WDR64: variants seen among roughly 807,000 people sequenced by gnomAD.
The protein encoded by WDR64 is WD repeat-containing protein 64.
A neutral mutation model predicts 139.3 loss-of-function variants in WDR64; 112 were observed. That is an observed-to-expected ratio of 0.80 (90% CI 0.69 to 0.94). The LOEUF (loss-of-function observed/expected upper bound fraction) is 0.94. WDR64 is among the 40% of genes least tolerant of loss of function. The probability of loss-of-function intolerance (pLI) is 0.00; values close to 1 mark genes in which losing one functional copy is unlikely to be tolerated. For missense variants in WDR64, 1,206 were observed against 1,293.1 expected (o/e 0.93, Z 1.03); for synonymous variants, 444 against 437.7 (o/e 1.01, Z -0.18).
chr1:241,706,309 T>G (rs990070857), intron 8 of WDR64, among the ~76,000 whole-genome samples: 33 of 152,350 alleles, frequency 2.2e-4, no homozygotes, highest in African/African-American at 7.9e-4. Flanking sequence ...AGAAGGTAGC[T>G]TCGCTGGAGC....
intron 4 of WDR64, among the ~76,000 whole-genome samples, chr1:241,675,303 C>A (rs1162379747): frequency 7.1e-6 from 1 of 140,000 alleles, no homozygotes; most frequent in Non-Finnish European, 1.5e-5. Context: ...CTCCTCTCTT[C>A]TTCCCTCCTC....
intron 15 of WDR64, among the ~76,000 whole-genome samples, chr1:241,764,867 T>G (rs1282202161): frequency 6.6e-6 from 1 of 151,980 alleles, no homozygotes; most frequent in Non-Finnish European, 1.5e-5. Flanking sequence ...AATGATGAAC[T>G]GAAAAATAGC....
At chr1:241,781,100 T>C (rs1318286843) in intron 22 of WDR64, among the ~76,000 whole-genome samples, 1 of 152,206 alleles carries the variant, frequency 6.6e-6, no homozygotes, top group African/African-American at 2.4e-5. Context: ...TATTATATTG[T>C]ATTATTAATT....
chr1:241,743,047 A>T (rs1669609265), intron 12 of WDR64, among the ~76,000 whole-genome samples: 2 of 152,112 alleles, frequency 1.3e-5, no homozygotes, highest in Non-Finnish European at 2.9e-5. Flanking sequence ...TTTGCTGGAG[A>T]TTTTCTCAAG....
chr1:241,747,776 G>A (rs1473719180), intron 13 of WDR64, among the ~76,000 whole-genome samples: 1 of 152,208 alleles, frequency 6.6e-6, no homozygotes, highest in Admixed American at 6.5e-5. Context: ...GAAAGACACA[G>A]GAAGGAAAGA....
At chr1:241,704,932 C>G (rs1053984233) in intron 8 of WDR64, among the ~76,000 whole-genome samples, 5 of 152,094 alleles carry the variant, frequency 3.3e-5, no homozygotes, top group Admixed American at 6.6e-5. Context: ...ACCAGCAATT[C>G]AAAAATAATT....
intron 4 of WDR64, chr1:241,676,283 A>T (rs182440582): frequency 6.6e-6 from 1 of 152,314 alleles, no homozygotes; most frequent in East Asian, 1.9e-4. Flanking sequence ...CTGGTTCCTC[A>T]TCCCGAATCA....
chr1:241,714,311 A>T (rs149972305), intron 9 of WDR64, among the ~76,000 whole-genome samples: 3 of 152,110 alleles, frequency 2.0e-5, no homozygotes, highest in African/African-American at 7.2e-5. Context: ...AAAGAAGAAA[A>T]CTCTGTCATC....
At position 241,775,243 on chromosome 1, in the gene WDR64, G is replaced by T. The variant is rs74350442; in HGVS notation, c.2536+33G>T. On this transcript the variant is annotated intron_variant, in intron 21 of 27. Transcript: ENST00000437684. ...ATTACTCTTAGACATTCAGTGACAGGTGTCTTAATAGCTTACCTGATATAA... is the reference window on the plus strand; with the variant it reads ...ATTACTCTTAGACATTCAGTGACAGTTGTCTTAATAGCTTACCTGATATAA... The T allele has an allele frequency of 3.0e-5, 45 of 1,511,110 alleles. No individual in the cohort carries two copies. The African/African-American group carries it at 4.7e-4, about 16-fold the overall frequency. The allele number at this position is 1,511,110 out of a possible 1,614,324, so 93.6% of individuals were successfully genotyped here.
At chr1:241,707,371 T>G (rs1667991967) in intron 8 of WDR64, among the ~76,000 whole-genome samples, 1 of 152,222 alleles carries the variant, frequency 6.6e-6, no homozygotes, top group South Asian at 2.1e-4. Flanking sequence ...TAGAGTCAAC[T>G]GTCCTCTCTC....
chr1:241,771,625 C>T (rs1004356087), intron 18 of WDR64, 36 bp from the exon 19 acceptor site: 82 of 1,452,038 alleles, frequency 5.6e-5, no homozygotes, highest in Non-Finnish European at 7.3e-5. Flanking sequence ...CTTACAATGT[C>T]ATGGAAGTCT....
chr1:241,702,115 CT>C (rs1371562188), intron 8 of WDR64, among the ~76,000 whole-genome samples: 3 of 152,210 alleles, frequency 2.0e-5, no homozygotes, highest in African/African-American at 7.2e-5. Flanking sequence ...AGCATGTTGC[CT>C]GTTGCAAGAC....
Position 241,677,949 on chromosome 1 carries a change from CA to C in WDR64, c.484-237del, listed in dbSNP as rs1666620435. Among the ~76,000 whole-genome samples the C allele has an allele frequency of 1.3e-5, 2 of 152,302 alleles. 1 individual carries two copies. Among genetic ancestry groups the C allele is most frequent in the South Asian group, 4.1e-4 (2 of 4,826 alleles). On this transcript the variant is annotated intron_variant, in intron 4 of 27. Transcript: ENST00000437684. Reference sequence around the variant, plus strand: ...AAGACAATGATTAGTGAAGTGTTAACAGCACAGTCACCAGGTTTAACAATGA... The same window carrying C: ...AAGACAATGATTAGTGAAGTGTTAACGCACAGTCACCAGGTTTAACAATGA...
At chr1:241,688,099 G>A (rs1667077966) in intron 8 of WDR64, among the ~76,000 whole-genome samples, 1 of 152,094 alleles carries the variant, frequency 6.6e-6, no homozygotes, top group African/African-American at 2.4e-5. Flanking sequence ...TTAATTTGGG[G>A]TTTTAAAATT....
At chr1:241,706,087 T>C (rs1392284012) in intron 8 of WDR64, among the ~76,000 whole-genome samples, 1 of 152,370 alleles carries the variant, frequency 6.6e-6, no homozygotes, top group East Asian at 1.9e-4. Flanking sequence ...AAAATTCTAA[T>C]GTCCTATGAC....
chr1:241,766,474 G>A (rs529355926), intron 16 of WDR64, 123 bp downstream of exon 16: 303 of 1,112,376 alleles, frequency 2.7e-4, no homozygotes, highest in Admixed American at 4.2e-4. Flanking sequence ...ACTTTGGGAG[G>A]AGGATCACTT....
intron 10 of WDR64, among the ~76,000 whole-genome samples, chr1:241,728,420 A>G (rs1668937418): frequency 6.8e-6 from 1 of 146,532 alleles, no homozygotes; most frequent in Non-Finnish European, 1.5e-5. Flanking sequence ...TTTACAGAAA[A>G]GGGAACAGAC....
intron 4 of WDR64, among the ~76,000 whole-genome samples, chr1:241,675,235 T>TC (rs1666498261): frequency 1.4e-5 from 1 of 69,540 alleles, no homozygotes; most frequent in African/African-American, 6.9e-5. Context: ...CCTTCCTCCC[T>TC]CCTTCCTCCC....
intron 8 of WDR64, among the ~76,000 whole-genome samples, chr1:241,702,270 G>A (rs920456869): frequency 6.6e-6 from 1 of 151,630 alleles, no homozygotes. Context: ...TGGTAAGGTT[G>A]CTGTGGAGAC....
Sources: allele counts gnomAD v4.1 joint callset (sites outside exome capture counted in the v4.1 genomes callset), GRCh38; gene constraint gnomAD v4.1.1; transcripts MANE v1.5; gene names NCBI Gene and HGNC (gene_info 2026-07-23, HGNC 2026-07-21).